Variants in SPATA13 observed in about 807,000 individuals in gnomAD.
The protein encoded by SPATA13 is spermatogenesis-associated protein 13.
A neutral mutation model predicts 104.0 loss-of-function variants in SPATA13; 50 were observed. The observed-to-expected ratio is 0.48, with a 90% CI of 0.38 to 0.61. The LOEUF is 0.61. SPATA13 is among the 20% of genes least tolerant of loss of function. The pLI, the probability that SPATA13 is intolerant of heterozygous loss-of-function variation, is 0.00. For synonymous variants in SPATA13, 606 were observed against 667.5 expected (o/e 0.91, Z 1.42); for missense variants, 1,524 against 1,690.6 (o/e 0.90, Z 1.73).
At position 24,122,380 on chromosome 13, in the gene SPATA13, A is replaced by G. The variant is rs984113508; in HGVS notation, c.-111-100439A>G. On this transcript the variant is annotated intron_variant, in intron 3 of 14. Transcript: ENST00000424834. ...ATCAACAGGGTTATCTTCATCATCA[A>G]TGATTGTGGAATAGCCTTCCAGAGC... is the stretch of plus-strand genomic sequence containing the variant. The G allele has an allele frequency of 4.5e-6, 7 of 1,571,588 alleles. No individual in the cohort carries two copies. The Admixed American group carries it at 5.0e-5, about 11-fold the overall frequency.
chr13:24,154,764 A>G (rs988036460), intron 3 of SPATA13, among the ~76,000 whole-genome samples: 7 of 152,200 alleles, frequency 4.6e-5, no homozygotes, highest in African/African-American at 1.7e-4. Context: ...CTGTGTTCTC[A>G]TAGAGAAGCT....
rs541233410 is a variant in SPATA13, at chr13:24,223,052, G to A, written c.123G>A (p.Met41Ile). ...CAGSDLKDAK[M>I]VTSLACGNGV... Reference sequence around the variant, plus strand: ...GCTCGGACCTGAAAGACGCCAAGATGGTGACCTCCCTTGCGTGTGGAAATG... The same window carrying A: ...GCTCGGACCTGAAAGACGCCAAGATAGTGACCTCCCTTGCGTGTGGAAATG... Residue 41 changes from methionine (M) to isoleucine (I), a missense_variant, in exon 2 of 13, where the codon ATG becomes ATA. Around this residue, in one of 2 missense-constraint regions of SPATA13, gnomAD observed 1,089 missense variants for 1,135.9 expected, o/e 0.96. Coordinates refer to ENST00000382108, the MANE Select transcript of SPATA13 (RefSeq NM_001166271.3). The A allele has an allele frequency of 1.9e-6, 3 of 1,551,734 alleles. No individual in the cohort carries two copies. Among genetic ancestry groups the A allele is most frequent in the African/African-American group, 2.7e-5 (2 of 73,170 alleles).
At chr13:24,238,410 G>A (rs1470523578) in intron 2 of SPATA13, among the ~76,000 whole-genome samples, 2 of 152,130 alleles carry the variant, frequency 1.3e-5, no homozygotes, top group Admixed American at 1.3e-4. Flanking sequence ...ACCCATCTCG[G>A]CCTCCCAGAG....
chr13:24,116,612 C>T (rs187511729), intron 3 of SPATA13, among the ~76,000 whole-genome samples: 16 of 152,216 alleles, frequency 1.1e-4, no homozygotes, highest in South Asian at 2.1e-4. Flanking sequence ...ACAGATGAAA[C>T]GTCTCAGAGG....
chr13:24,242,191 C>G (rs1268306056), intron 2 of SPATA13, among the ~76,000 whole-genome samples: 1 of 152,046 alleles, frequency 6.6e-6, no homozygotes, highest in Non-Finnish European at 1.5e-5. Context: ...GGAAGAGGGC[C>G]TAGGCAAGGA....
intron 2 of SPATA13, among the ~76,000 whole-genome samples, chr13:24,010,047 A>G (rs144023929): frequency 8.0e-4 from 122 of 152,330 alleles, no homozygotes; most frequent in African/African-American, 2.7e-3. Context: ...TGAGACATCA[A>G]TCAAATACAT....
chr13:24,099,451 T>G (rs1425795661), intron 3 of SPATA13, among the ~76,000 whole-genome samples: 1 of 152,252 alleles, frequency 6.6e-6, no homozygotes, highest in Non-Finnish European at 1.5e-5. Context: ...AAGTCGTCAG[T>G]GGCCACGCAC....
At chr13:24,218,134 C>T (rs1871359948) in intron 1 of SPATA13, among the ~76,000 whole-genome samples, 1 of 152,154 alleles carries the variant, frequency 6.6e-6, no homozygotes, top group South Asian at 2.1e-4. Flanking sequence ...CAGCCAGTGA[C>T]CCTGGTTCAG....
intron 3 of SPATA13, among the ~76,000 whole-genome samples, chr13:24,035,919 G>C (rs1877662091): frequency 6.6e-6 from 1 of 151,684 alleles, no homozygotes. Flanking sequence ...GGAAGCTAAG[G>C]CTGGAGAATC....
At chr13:23,996,434 C>T (rs1875697903) in intron 2 of SPATA13, among the ~76,000 whole-genome samples, 1 of 152,138 alleles carries the variant, frequency 6.6e-6, no homozygotes, top group South Asian at 2.1e-4. Flanking sequence ...AAATCAGTCT[C>T]CAGAACCAGA....
intron 4 of SPATA13, 98 bp downstream of exon 4, chr13:24,251,960 C>A: frequency 6.9e-7 from 1 of 1,455,974 alleles, no homozygotes; most frequent in East Asian, 2.3e-5. Flanking sequence ...TCGCGCCTCC[C>A]TTGGGCCAGG....
Position 24,286,495 on chromosome 13 carries a change from G to A in SPATA13, c.2481+102G>A, listed in dbSNP as rs1875957221. ...TTATCAGGTCAGCTCTTTTGTAATT[G>A]ATATCTGACATGCAAGTCACACCTG... On this transcript the variant is annotated intron_variant, in intron 6 of 12. Transcript: ENST00000382108. This position sits in a 1 kb window ranked among gnomAD's most constrained non-coding sequence, Gnocchi z 4.9. 6 of 1,241,726 alleles carry A rather than the reference G, an allele frequency of 4.8e-6. No homozygotes were observed. The South Asian group carries it at 7.7e-5, about 16-fold the overall frequency. The allele number at this position is 1,241,726 out of a possible 1,614,324, so 76.9% of individuals were successfully genotyped here.
At chr13:24,143,588 CT>C (rs1222468876) in intron 3 of SPATA13, among the ~76,000 whole-genome samples, 1 of 152,232 alleles carries the variant, frequency 6.6e-6, no homozygotes, top group South Asian at 2.1e-4. Context: ...AAGTAGAAGT[CT>C]TTTTTTCCCA....
At chr13:24,214,039 C>T (rs1230087169) in intron 1 of SPATA13, among the ~76,000 whole-genome samples, 4 of 152,202 alleles carry the variant, frequency 2.6e-5, no homozygotes, top group East Asian at 3.8e-4. Context: ...TTGGGAAAAG[C>T]GATCACCTTC....
intron 3 of SPATA13, among the ~76,000 whole-genome samples, chr13:24,052,122 A>G (rs1878366206): frequency 6.6e-6 from 1 of 152,156 alleles, no homozygotes; most frequent in Admixed American, 6.5e-5. Context: ...CTCTGTGCTT[A>G]ACGCAATTCC....
At position 24,142,478 on chromosome 13, in the gene SPATA13, C is replaced by T. The variant is rs183385780; in HGVS notation, c.-111-80341C>T. Among the ~76,000 whole-genome samples, 958 of 152,222 alleles carry T rather than the reference C, an allele frequency of 6.3e-3. 7 individuals carry two copies. The highest frequency in any genetic ancestry group is 0.022 in the African/African-American group (919 of 41,528). Reference sequence around the variant, plus strand: ...TTCTCCCCCCTCAGTTTTGGATTGTCTGATGTTTTCTCCTGTTAGATTGAG... The same window carrying T: ...TTCTCCCCCCTCAGTTTTGGATTGTTTGATGTTTTCTCCTGTTAGATTGAG... On this transcript the variant is annotated intron_variant, in intron 3 of 14. Coordinates refer to the SPATA13 transcript ENST00000424834.
intron 3 of SPATA13, among the ~76,000 whole-genome samples, chr13:24,068,270 G>A (rs1593309941): frequency 6.6e-6 from 1 of 152,152 alleles, no homozygotes; most frequent in Admixed American, 6.5e-5. Flanking sequence ...TTGGTTTTCT[G>A]TTCCTGCTAG....
At chr13:24,074,648 AC>A (rs900530068) in intron 3 of SPATA13, among the ~76,000 whole-genome samples, 21 of 137,552 alleles carry the variant, frequency 1.5e-4, no homozygotes, top group Non-Finnish European at 2.6e-4. Context: ...TAAAAAAAAA[AC>A]CCTTGTAGGA....
chr13:24,033,246 C>T (rs1395407009), intron 3 of SPATA13, among the ~76,000 whole-genome samples: 1 of 151,978 alleles, frequency 6.6e-6, no homozygotes, highest in Non-Finnish European at 1.5e-5. Flanking sequence ...TTTCAAAAAT[C>T]TAATAAAAAT....
Sources: allele counts gnomAD v4.1 joint callset (sites outside exome capture counted in the v4.1 genomes callset), GRCh38; gene constraint gnomAD v4.1.1; regional missense constraint gnomAD v4.1.1; non-coding constraint Gnocchi (gnomAD v3.1); transcripts MANE v1.5; gene names NCBI Gene and HGNC (gene_info 2026-07-23, HGNC 2026-07-21).